ZFAND3: variants seen among roughly 807,000 people sequenced by gnomAD.
ZFAND3 encodes AN1-type zinc finger protein 3.
ZFAND3 carries 10 observed loss-of-function variants against 29.6 expected under a neutral mutation model. The observed-to-expected ratio is 0.34, with a 90% confidence interval of 0.21 to 0.57. The LOEUF (loss-of-function observed/expected upper bound fraction) is 0.57. ZFAND3 is among the 20% of genes least tolerant of loss of function. The pLI is 0.86. For missense variants in ZFAND3, 230 were observed against 304.5 expected (o/e 0.76, Z 1.82); for synonymous variants, 128 against 112.6 (o/e 1.14, Z -0.87).
intron 2 of ZFAND3, among the ~76,000 whole-genome samples, chr6:37,946,611 G>A (rs908502665): frequency 6.6e-5 from 10 of 152,024 alleles, no homozygotes; most frequent in Admixed American, 6.6e-5. Flanking sequence ...GGAGAGGGAA[G>A]CATTAATTTT....
At chr6:37,898,656 C>A (rs1453981989) in intron 1 of ZFAND3, among the ~76,000 whole-genome samples, 2 of 152,014 alleles carry the variant, frequency 1.3e-5, no homozygotes, top group African/African-American at 4.8e-5. Context: ...AGTGTAGCAA[C>A]CCTGTACATC....
chr6:37,860,087 T>C (rs1764456035), intron 1 of ZFAND3, among the ~76,000 whole-genome samples: 1 of 148,808 alleles, frequency 6.7e-6, no homozygotes, highest in African/African-American at 2.5e-5. Flanking sequence ...TTTCACCAGG[T>C]CTCGAACTCC....
intron 3 of ZFAND3, among the ~76,000 whole-genome samples, chr6:38,067,670 A>G (rs184245440): frequency 1.3e-5 from 2 of 152,288 alleles, no homozygotes; most frequent in East Asian, 3.9e-4. Flanking sequence ...TTTTGACCCA[A>G]CTTTTGCAGA....
At chr6:37,905,814 A>G (rs1765396714) in intron 1 of ZFAND3, among the ~76,000 whole-genome samples, 1 of 152,030 alleles carries the variant, frequency 6.6e-6, no homozygotes, top group Non-Finnish European at 1.5e-5. Flanking sequence ...TACCTACCTT[A>G]TAGTTTTTTT....
chr6:38,152,833 A>G lies in ZFAND3; in HGVS notation c.*444A>G. 1 of 986,320 alleles carries G rather than the reference A, an allele frequency of 1.0e-6. No homozygotes were observed. Among genetic ancestry groups the G allele is most frequent in the Non-Finnish European group, 1.2e-6 (1 of 830,312 alleles). The allele number at this position is 986,320 out of a possible 1,614,324, so 61.1% of individuals were successfully genotyped here. On this transcript the variant is annotated 3_prime_UTR_variant, in exon 6 of 6. Coordinates refer to ENST00000287218, the MANE Select transcript of ZFAND3 (RefSeq NM_021943.3). The stretch of plus-strand genomic sequence containing the variant: ...TGATCGGCCTTTCACCTCTTCACTT[A>G]TCCTTAGTCCCAGTAGCCAGGATAC...
intron 2 of ZFAND3, among the ~76,000 whole-genome samples, chr6:37,990,524 G>A (rs1043441120): frequency 1.8e-4 from 28 of 152,078 alleles, no homozygotes; most frequent in African/African-American, 6.8e-4. Context: ...GTTAGAGTGT[G>A]TCTGACCCAG....
intron 4 of ZFAND3, among the ~76,000 whole-genome samples, chr6:38,106,277 C>A (rs901069501): frequency 3.9e-5 from 6 of 152,022 alleles, no homozygotes; most frequent in African/African-American, 1.4e-4. Flanking sequence ...CTCAGCCTCC[C>A]AAGTAGCTGG....
intron 1 of ZFAND3, among the ~76,000 whole-genome samples, chr6:37,899,690 T>G (rs1241558212): frequency 6.6e-6 from 1 of 152,228 alleles, no homozygotes; most frequent in Non-Finnish European, 1.5e-5. Context: ...ATATTTCAAA[T>G]AAAATTTCTT....
intron 2 of ZFAND3, among the ~76,000 whole-genome samples, chr6:37,976,675 G>C (rs1323194766): frequency 6.6e-6 from 1 of 151,778 alleles, no homozygotes; most frequent in Non-Finnish European, 1.5e-5. Context: ...TGCATGAACA[G>C]GGAGGCCTCA....
chr6:37,838,404 T>C (rs1364908820), intron 1 of ZFAND3, among the ~76,000 whole-genome samples: 1 of 152,330 alleles, frequency 6.6e-6, no homozygotes, highest in Middle Eastern at 3.4e-3. Flanking sequence ...ATCACTACTG[T>C]CTTAATTCCA....
At chr6:38,103,581 C>G (rs561011752) in intron 4 of ZFAND3, among the ~76,000 whole-genome samples, 1 of 140,646 alleles carries the variant, frequency 7.1e-6, no homozygotes, top group Non-Finnish European at 1.6e-5. Flanking sequence ...TCAAGTTTCT[C>G]TCTTTTGGCA....
intron 2 of ZFAND3, among the ~76,000 whole-genome samples, chr6:38,047,943 G>C: frequency 6.7e-6 from 1 of 150,064 alleles, no homozygotes; most frequent in African/African-American, 2.5e-5. Context: ...AAGAAGATCT[G>C]TTCCAGACCT....
chr6:38,096,992 T>G (rs1412469619), intron 4 of ZFAND3, among the ~76,000 whole-genome samples: 1 of 152,218 alleles, frequency 6.6e-6, no homozygotes, highest in African/African-American at 2.4e-5. Context: ...CTTGGTCTTC[T>G]TCATGCTCTA....
intron 1 of ZFAND3, among the ~76,000 whole-genome samples, chr6:37,864,182 G>C (rs1021039087): frequency 2.6e-5 from 4 of 152,180 alleles, no homozygotes; most frequent in Admixed American, 6.5e-5. Context: ...GGAGCTCTCT[G>C]TATTACCGAG....
intron 1 of ZFAND3, among the ~76,000 whole-genome samples, chr6:37,899,052 C>A (rs191282248): frequency 3.3e-5 from 5 of 152,298 alleles, no homozygotes; most frequent in Non-Finnish European, 7.4e-5. Flanking sequence ...CCCGCCACCA[C>A]GCCTGGCTAA....
intron 2 of ZFAND3, among the ~76,000 whole-genome samples, chr6:38,027,999 ATT>A (rs1763481457): frequency 6.6e-6 from 1 of 152,190 alleles, no homozygotes; most frequent in Admixed American, 6.5e-5. Context: ...TCCCCAGGGC[ATT>A]GTTTGCTCTT....
intron 1 of ZFAND3, among the ~76,000 whole-genome samples, chr6:37,860,632 A>G (rs923259591): frequency 6.6e-5 from 9 of 136,810 alleles, no homozygotes; most frequent in African/African-American, 2.5e-4. Flanking sequence ...GGGGATATTC[A>G]CTTAGTTTTT....
intron 1 of ZFAND3, among the ~76,000 whole-genome samples, chr6:37,896,514 T>TTTTCTTTCTTTTC (rs1765208330): frequency 1.8e-5 from 2 of 109,100 alleles, no homozygotes; most frequent in South Asian, 3.3e-4. Context: ...TTCCTCTTTC[T>TTTTCTTTCTTTTC]TTTCTTTCTT....
chr6:38,091,913 A>G (rs1308169793), intron 4 of ZFAND3, among the ~76,000 whole-genome samples: 3 of 152,042 alleles, frequency 2.0e-5, no homozygotes, highest in African/African-American at 7.2e-5. Context: ...GCTGGGGATG[A>G]CACTGGGCAA....
Sources: gnomAD v4.1 joint callset for allele counts (sites outside exome capture counted in the v4.1 genomes callset) on GRCh38, gnomAD v4.1.1 for gene constraint, MANE v1.5 for transcripts, NCBI Gene and HGNC (gene_info 2026-07-23, HGNC 2026-07-21) for gene names.